The following ACSM5 variants were observed in gnomAD, a reference collection of about 807,000 sequenced individuals.
ACSM5 encodes the protein acyl-CoA synthetase medium chain family member 5, also known as acyl-coenzyme A synthetase ACSM5, mitochondrial.
A neutral mutation model predicts 71.6 loss-of-function variants in ACSM5; 56 were observed. The observed-to-expected ratio is 0.78, with a 90% CI of 0.63 to 0.98. The LOEUF (loss-of-function observed/expected upper bound fraction) is 0.98, where lower values mean the gene tolerates loss of function less well. ACSM5 is among the 50% of genes least tolerant of loss of function. The pLI is 0.00. For missense variants in ACSM5, 723 were observed against 726.0 expected, an observed-to-expected ratio of 1.00 and a Z score of 0.05; for synonymous variants, 285 against 281.5, an observed-to-expected ratio of 1.01 and a Z score of -0.12.
chr16:20,432,206 C>T (rs1032350289), intron 10 of ACSM5, among the ~76,000 whole-genome samples: 6 of 152,108 alleles, frequency 3.9e-5, no homozygotes, highest in Admixed American at 1.3e-4. Flanking sequence ...AAACACCTGG[C>T]AAGCCTCAGT....
intron 10 of ACSM5, among the ~76,000 whole-genome samples, chr16:20,431,604 T>C (rs12924989): frequency 0.086 from 13,072 of 152,060 alleles, 685 homozygotes; most frequent in East Asian, 0.19. Context: ...AGGGCAGCAC[T>C]GTTGTTTTAA....
chr16:20,412,893 A>G (rs1966850326), intron 2 of ACSM5, among the ~76,000 whole-genome samples: 2 of 152,262 alleles, frequency 1.3e-5, no homozygotes, highest in Admixed American at 1.3e-4. Context: ...TAGTAGATAC[A>G]ATAAAATTAA....
chr16:20,429,863 C>T lies in ACSM5; in HGVS notation c.1125+62C>T, dbSNP rs529961186. 451 of 1,581,864 alleles carry T rather than the reference C, an allele frequency of 2.9e-4. 8 individuals are homozygous for T. The South Asian group carries it at 3.2e-3, about 11-fold the overall frequency. On this transcript the variant is annotated intron_variant, in intron 8 of 13. Transcript: ENST00000331849. ...TCCCCTCGAGAGCTTCCTGCCTCTCCGGCTGTCACCTCCCTGAAGCTTCTC... is the reference window on the plus strand; with the variant it reads ...TCCCCTCGAGAGCTTCCTGCCTCTCTGGCTGTCACCTCCCTGAAGCTTCTC...
intron 7 of ACSM5, among the ~76,000 whole-genome samples, chr16:20,429,333 C>G (rs12927779): frequency 0.084 from 12,732 of 151,106 alleles, 659 homozygotes; most frequent in East Asian, 0.19. Flanking sequence ...ATTTCTAATT[C>G]ATCTATCCTT....
At chr16:20,433,201 G>A (rs551897827) in intron 10 of ACSM5, among the ~76,000 whole-genome samples, 12 of 152,226 alleles carry the variant, frequency 7.9e-5, no homozygotes, top group Middle Eastern at 3.4e-3. Flanking sequence ...AAATGTCTTC[G>A]TGAGAATCAG....
At chr16:20,415,837 AT>A (rs2141641291) in intron 2 of ACSM5, among the ~76,000 whole-genome samples, 1 of 152,206 alleles carries the variant, frequency 6.6e-6, no homozygotes, top group South Asian at 2.1e-4. Context: ...TTTTCCTTTT[AT>A]TTTAATTCAT....
chr16:20,410,469 A>C (rs1162465910), intron 1 of ACSM5, among the ~76,000 whole-genome samples: 2 of 152,182 alleles, frequency 1.3e-5, no homozygotes, highest in African/African-American at 4.8e-5. Context: ...AGTGGCTCAC[A>C]TCTGTAATCC....
chr16:20,421,193 A>G, intron 4 of ACSM5, 65 bp from the exon 5 acceptor site: 25 of 1,480,406 alleles, frequency 1.7e-5, no homozygotes, highest in Non-Finnish European at 2.3e-5. Context: ...GTTGTTACAC[A>G]TATTATTGGT....
chr16:20,421,490 G>A (rs111816843), intron 5 of ACSM5, 89 bp downstream of exon 5: 284 of 1,269,208 alleles, frequency 2.2e-4, no homozygotes, highest in Non-Finnish European at 2.7e-4. Flanking sequence ...TGTCAGGAAC[G>A]GAGGTCAGAG....
intron 6 of ACSM5, among the ~76,000 whole-genome samples, chr16:20,424,447 G>A (rs1966937999): frequency 6.6e-6 from 1 of 152,130 alleles, no homozygotes. Context: ...GGCCCAACTA[G>A]AGAGTCCTGG....
intron 6 of ACSM5, among the ~76,000 whole-genome samples, chr16:20,427,513 CT>C (rs1262922701): frequency 6.6e-6 from 1 of 152,220 alleles, no homozygotes; most frequent in Non-Finnish European, 1.5e-5. Flanking sequence ...AAGCCATAGT[CT>C]TTGTATAACC....
chr16:20,433,045 A>G (rs112701456), intron 10 of ACSM5, among the ~76,000 whole-genome samples: 13 of 151,892 alleles, frequency 8.6e-5, no homozygotes, highest in African/African-American at 3.1e-4. Flanking sequence ...TTTAGTAGAG[A>G]CAGGGTTTTG....
rs2141665475 is a variant in ACSM5, at chr16:20,440,562, C to CCCAG, written c.*136_*139dup. 1.3e-6 allele frequency: 1 copy of CCCAG among 749,226 alleles called. No homozygotes were observed. The highest frequency in any genetic ancestry group is 2.7e-5 in the East Asian group (1 of 37,566). 46.4% of individuals were successfully genotyped at this position (749,226 alleles called of 1,614,324 possible). On this transcript the variant is annotated 3_prime_UTR_variant, in exon 14 of 14. Transcript: ENST00000331849. Reference sequence around the variant, plus strand: ...AGGTGTGCAGCTTCCAAACGGCATCCCCAGGATCACTGGGCAATGCTGGAA... The same window carrying CCCAG: ...AGGTGTGCAGCTTCCAAACGGCATCCCCAGCCAGGATCACTGGGCAATGCTGGAA...
At chr16:20,419,679 A>G in intron 4 of ACSM5, 1 of 539,538 alleles carries the variant, frequency 1.9e-6, no homozygotes, top group Non-Finnish European at 3.3e-6. Context: ...ATGCGGTGGT[A>G]GTTATTAGAG....
intron 4 of ACSM5, among the ~76,000 whole-genome samples, chr16:20,420,300 T>TA (rs1033124474): frequency 2.0e-3 from 297 of 152,236 alleles, no homozygotes; most frequent in African/African-American, 6.7e-3. Flanking sequence ...GGATCTTTTT[T>TA]AAAAAAATCA....
At chr16:20,416,917 A>G (rs1288001942) in intron 2 of ACSM5, among the ~76,000 whole-genome samples, 2 of 152,054 alleles carry the variant, frequency 1.3e-5, no homozygotes, top group African/African-American at 4.8e-5. Flanking sequence ...CAAGGAATAT[A>G]AACAAATGGC....
rs763774602 is a variant in ACSM5, at chr16:20,427,791, C to T, written c.925C>T (p.Leu309Phe). 5.3e-5 allele frequency: 86 copies of T among 1,612,104 alleles called. No individual in the cohort carries two copies. The highest frequency in any genetic ancestry group is 6.9e-5 in the Non-Finnish European group (81 of 1,178,266). Reference sequence around the variant, plus strand: ...TTCACCCTTTGTTTTTGTTTAGACTCTCTCCAAATTCCCGATAACCACCCT... The same window carrying T: ...TTCACCCTTTGTTTTTGTTTAGACTTTCTCCAAATTCCCGATAACCACCCT... ...RVDAKVILNT[L>F]SKFPITTLCC... The change falls in exon 7 of 14, where the codon CTC (leucine) becomes TTC (phenylalanine). Residue 309 changes from leucine to phenylalanine, a missense_variant. Coordinates refer to ENST00000331849, the MANE Select transcript of ACSM5 (RefSeq NM_017888.3).
chr16:20,410,738 A>C (rs111400457), intron 1 of ACSM5, among the ~76,000 whole-genome samples: 6,737 of 152,124 alleles, frequency 0.044, 159 homozygotes, highest in South Asian at 0.058. Flanking sequence ...AAACAACAAT[A>C]ATAAAAATTT....
chr16:20,411,529 C>G lies in ACSM5; in HGVS notation c.45C>G (p.Asn15Lys). The G allele has an allele frequency of 6.2e-7, 1 of 1,614,202 alleles. No individual in the cohort carries two copies. Among genetic ancestry groups the G allele is most frequent in the Non-Finnish European group, 8.5e-7 (1 of 1,180,038 alleles). ...LRHLVLQALR[N>K]SRAFCGSHGK... ...ACCTAGTCCTCCAGGCACTGAGGAA[C>G]TCCAGGGCATTCTGTGGGTCTCATG... is the stretch of plus-strand genomic sequence containing the variant. The change falls in exon 2 of 14, where the codon AAC becomes AAG. Residue 15 changes from asparagine to lysine, a missense_variant. Transcript: ENST00000331849.
Sources: allele counts gnomAD v4.1 joint callset (sites outside exome capture counted in the v4.1 genomes callset), GRCh38; gene constraint gnomAD v4.1.1; transcripts MANE v1.5; gene names NCBI Gene and HGNC (gene_info 2026-07-23, HGNC 2026-07-21).